Variants in PCDHA12 observed in about 807,000 individuals in gnomAD.
PCDHA12 encodes the protein protocadherin alpha 12, also known as protocadherin alpha-12.
A neutral mutation model predicts 60.0 loss-of-function variants in PCDHA12; 44 were observed. The observed-to-expected ratio is 0.73, with a 90% confidence interval of 0.58 to 0.94. The LOEUF is 0.94. Among genes scored for constraint, PCDHA12 ranks in the 40% least tolerant of loss-of-function variants. The pLI is 0.00. For synonymous variants in PCDHA12, 569 were observed against 553.0 expected, an observed-to-expected ratio of 1.03 and a Z score of -0.40; for missense variants, 1,276 against 1,239.7, an observed-to-expected ratio of 1.03 and a Z score of -0.44.
At chr5:140,969,131 A>C in intron 1 of PCDHA12, 1 of 1,614,138 alleles carries the variant, frequency 6.2e-7, no homozygotes, top group African/African-American at 1.3e-5. Flanking sequence ...CTCCCTCACC[A>C]AGACCTACTG....
At chr5:140,958,530 A>G (rs1283308982) in intron 1 of PCDHA12, among the ~76,000 whole-genome samples, 1 of 152,188 alleles carries the variant, frequency 6.6e-6, no homozygotes, top group East Asian at 1.9e-4. Flanking sequence ...TACTATGTGT[A>G]CATTGATTTA....
intron 1 of PCDHA12, chr5:140,926,295 C>T (rs1554203253): frequency 6.6e-6 from 1 of 152,322 alleles, no homozygotes; most frequent in African/African-American, 2.4e-5. Flanking sequence ...CGCTGAGTCC[C>T]GCCCTCTCCG....
intron 1 of PCDHA12, among the ~76,000 whole-genome samples, chr5:140,887,101 C>CTT (rs200717289): frequency 4.1e-5 from 6 of 145,304 alleles, no homozygotes; most frequent in African/African-American, 1.0e-4. Context: ...ATCTTTATCT[C>CTT]TTTTTTTTTT....
intron 1 of PCDHA12, among the ~76,000 whole-genome samples, chr5:140,887,378 G>C (rs1407679123): frequency 6.6e-6 from 1 of 152,176 alleles, no homozygotes; most frequent in East Asian, 1.9e-4. Flanking sequence ...TTACAGGTGT[G>C]AGCCACCGCG....
In PCDHA12 at chr5:140,875,325, G is replaced by C. The variant is rs1293166061; in HGVS notation, c.-148G>C. 3 of 1,427,764 alleles carry C rather than the reference G, an allele frequency of 2.1e-6. No homozygotes were observed. The African/African-American group carries it at 4.3e-5, about 21-fold the overall frequency. 88.4% of individuals were successfully genotyped at this position (1,427,764 alleles called of 1,614,324 possible). A position where few individuals can be genotyped will look rare whatever the true frequency, so the allele number is the denominator to read the frequency against. On this transcript the variant is annotated 5_prime_UTR_variant, in exon 1 of 4. Coordinates refer to ENST00000398631, the MANE Select transcript of PCDHA12 (RefSeq NM_018903.4). ...CCGCACCCACATTCCAATCATTCAC[G>C]GAATAGGATCGACTCCATAATGACT...
chr5:140,964,785 C>G (rs890090665), intron 1 of PCDHA12, among the ~76,000 whole-genome samples: 40 of 151,526 alleles, frequency 2.6e-4, no homozygotes, highest in African/African-American at 9.7e-4. Context: ...GAGGAAGAAG[C>G]CAGAGACCCA....
At chr5:140,998,122 A>G (rs2097797315) in intron 3 of PCDHA12, among the ~76,000 whole-genome samples, 1 of 152,214 alleles carries the variant, frequency 6.6e-6, no homozygotes, top group Admixed American at 6.5e-5. Flanking sequence ...TTACTTGTGA[A>G]TCATAATAGC....
At chr5:140,987,893 G>A (rs571929057) in intron 3 of PCDHA12, among the ~76,000 whole-genome samples, 82 of 152,138 alleles carry the variant, frequency 5.4e-4, no homozygotes, top group Admixed American at 1.5e-3. Context: ...ATGTGCCCTA[G>A]TTTTATATGG....
At chr5:140,949,181 A>G (rs2094350223) in intron 1 of PCDHA12, among the ~76,000 whole-genome samples, 2 of 151,604 alleles carry the variant, frequency 1.3e-5, no homozygotes, top group Non-Finnish European at 3.0e-5. Context: ...CAGAGAACAT[A>G]CTCTGCATGA....
rs1483756278 is a variant in PCDHA12, at chr5:140,982,223, T to TA, written c.2427-246dup. On this transcript the variant is annotated intron_variant, in intron 2 of 3. Transcript: ENST00000398631. Reference sequence around the variant, plus strand: ...TTTAGTGAGCGCCACATGGCGTTAATAAAAAACAGAATTGCCATAAAGATA... The same window carrying TA: ...TTTAGTGAGCGCCACATGGCGTTAATAAAAAAACAGAATTGCCATAAAGATA... 8.6e-6 allele frequency: 5 copies of TA among 580,096 alleles called. No homozygotes were observed. In the East Asian group the frequency reaches 1.2e-4, roughly 14 times the overall value. The allele number at this position is 580,096 out of a possible 1,614,324, so 35.9% of individuals were successfully genotyped here. A position where few individuals can be genotyped will look rare whatever the true frequency, so the allele number is the denominator to read the frequency against.
In PCDHA12 at chr5:140,968,804, G is replaced by T. The variant is rs147800392; in HGVS notation, c.2368-10145G>T. ...AGCCTCTGTGGCCATTACAGTAGCT[G>T]TGGTGGATAGGGTTTCCAAAATCCT... On this transcript the variant is annotated intron_variant, in intron 1 of 3. Transcript: ENST00000398631. 703 of 1,614,106 alleles carry T rather than the reference G, an allele frequency of 4.4e-4. No homozygotes were observed. The highest frequency in any genetic ancestry group is 5.7e-4 in the Non-Finnish European group (677 of 1,180,052).
rs782362205 is a variant in PCDHA12 at position 141,009,960 on chromosome 5, A to G, written c.*23A>G. The G allele has an allele frequency of 6.3e-7, 1 of 1,589,232 alleles. No homozygotes were observed. The highest frequency in any genetic ancestry group is 2.2e-5 in the East Asian group (1 of 44,694). On this transcript the variant is annotated 3_prime_UTR_variant, in exon 4 of 4. Transcript: ENST00000398631. The stretch of plus-strand genomic sequence containing the variant: ...TGAGGTCCTCAAATGGAAACAAGCC[A>G]CTTAGCCAGTTTTTGTAATAATGGC...
At chr5:140,969,139 C>T (rs1407003944) in intron 1 of PCDHA12, 5 of 1,614,064 alleles carry the variant, frequency 3.1e-6, no homozygotes, top group Non-Finnish European at 4.2e-6. Context: ...CCAAGACCTA[C>T]TGCTACAAGG....
At chr5:140,915,626 GTCTCTCTCTC>G (rs57920489) in intron 1 of PCDHA12, among the ~76,000 whole-genome samples, 5 of 146,436 alleles carry the variant, frequency 3.4e-5, no homozygotes, top group Admixed American at 2.0e-4. Context: ...GTCTCTTTCT[GTCTCTCTCTC>G]TCTCTCTCTC....
rs145391750 is a variant in PCDHA12, at chr5:140,989,649, A to G, written c.2515+7086A>G. On this transcript the variant is annotated intron_variant, in intron 3 of 3. Coordinates refer to ENST00000398631, the MANE Select transcript of PCDHA12 (RefSeq NM_018903.4). ...GTGACAGCAAGGGTCTTTCATGGCA[A>G]TATTTTAAAAGAAACTCTGCCCAGA... 1.8e-3 allele frequency among the ~76,000 whole-genome samples: 268 copies of G among 152,316 alleles called. 1 individual carries two copies. The highest frequency in any genetic ancestry group is 6.3e-3 in the African/African-American group (263 of 41,564).
chr5:140,915,410 A>G (rs2077112688), intron 1 of PCDHA12, among the ~76,000 whole-genome samples: 1 of 152,172 alleles, frequency 6.6e-6, no homozygotes, highest in Non-Finnish European at 1.5e-5. Flanking sequence ...TAGTCTTTGC[A>G]GTCTGGGCTT....
intron 1 of PCDHA12, among the ~76,000 whole-genome samples, chr5:140,879,457 T>A (rs1554170803): frequency 6.6e-6 from 1 of 152,176 alleles, no homozygotes; most frequent in Non-Finnish European, 1.5e-5. Context: ...TTTGAAGTCC[T>A]AAGAGAATAC....
chr5:140,925,395 G>A (rs1451043717), intron 1 of PCDHA12, among the ~76,000 whole-genome samples: 1 of 151,998 alleles, frequency 6.6e-6, no homozygotes, highest in African/African-American at 2.4e-5. Context: ...CTTTTGGCTC[G>A]CCTCCTTCTT....
At chr5:140,947,341 A>C (rs1159995588) in intron 1 of PCDHA12, among the ~76,000 whole-genome samples, 1 of 151,806 alleles carries the variant, frequency 6.6e-6, no homozygotes, top group East Asian at 1.9e-4. Context: ...TGTGGGCTTA[A>C]TTCTGGACTC....
Sources: allele counts gnomAD v4.1 joint callset (sites outside exome capture counted in the v4.1 genomes callset), GRCh38; gene constraint gnomAD v4.1.1; transcripts MANE v1.5; gene names NCBI Gene and HGNC (gene_info 2026-07-23, HGNC 2026-07-21).